Variants in SLC16A7 observed in about 807,000 individuals in gnomAD.
SLC16A7 encodes monocarboxylate transporter 2.
In SLC16A7, 33 loss-of-function variants were observed where a neutral mutation model predicts 34.9. The ratio of observed to expected loss-of-function variants is 0.94; its 90% CI spans 0.72 to 1.26. The LOEUF is 1.26. Ranked by LOEUF, SLC16A7 falls within the 50% of genes most tolerant of loss-of-function variation. The probability of loss-of-function intolerance (pLI) is 0.00; values close to 1 mark genes in which losing one functional copy is unlikely to be tolerated. For missense variants in SLC16A7, 573 were observed against 578.1 expected (o/e 0.99, Z 0.09); for synonymous variants, 201 against 206.6 (o/e 0.97, Z 0.23).
chr12:59,698,275 A>G (rs1296571693), intron 2 of SLC16A7, among the ~76,000 whole-genome samples: 1 of 151,830 alleles, frequency 6.6e-6, no homozygotes, highest in Non-Finnish European at 1.5e-5. Context: ...TTATGATTTT[A>G]AAGAAATCCA....
intron 2 of SLC16A7, among the ~76,000 whole-genome samples, chr12:59,678,421 C>A (rs1870479354): frequency 6.6e-6 from 1 of 152,212 alleles, no homozygotes. Flanking sequence ...GCCAGCTTGT[C>A]CCGATGAGTG....
In SLC16A7 at chr12:59,779,615, A is replaced by G; in HGVS notation, c.1373A>G (p.Glu458Gly). ...CCCTTGAGCAAATCTAAACATTCGG[A>G]AGATGTTAACGTCAAAGTTTCAAAT... ...SEPLSKSKHS[E>G]DVNVKVSNAQ... The change falls in exon 6 of 6, where the codon GAA becomes GGA. Residue 458 changes from glutamate (E) to glycine (G), a missense_variant. Coordinates refer to ENST00000547379, the MANE Select transcript of SLC16A7 (RefSeq NM_001270623.2). 1 of 1,611,466 alleles carries G rather than the reference A, an allele frequency of 6.2e-7. No individual in the cohort carries two copies. The highest frequency in any genetic ancestry group is 8.5e-7 in the Non-Finnish European group (1 of 1,177,894).
rs1592475776 is a variant in SLC16A7 at position 59,675,653 on chromosome 12, T to C, written c.-31+20403T>C. 3.3e-5 allele frequency among the ~76,000 whole-genome samples: 5 copies of C among 152,196 alleles called. No individual in the cohort carries two copies. In the South Asian group the frequency reaches 1.0e-3, roughly 32 times the overall value. ...AGAGAGGGGAACCATTTGTGGCCTA[T>C]TTTGTAATCAACCATAATTGTGCCA... On this transcript the variant is annotated intron_variant, in intron 2 of 5. Coordinates refer to ENST00000547379, the MANE Select transcript of SLC16A7 (RefSeq NM_001270623.2).
At chr12:59,704,730 G>C in intron 2 of SLC16A7, 42 bp from the exon 3 acceptor site, 1 of 1,017,182 alleles carries the variant, frequency 9.8e-7, no homozygotes, top group Non-Finnish European at 1.5e-6. Flanking sequence ...TAAACAAAAG[G>C]GGAAATAAAA....
chr12:59,704,991 A>C lies in SLC16A7; in HGVS notation c.190A>C (p.Ile64Leu). ...TYSEIAWISS[I>L]MLAVMYAGGP... ...CAGTGAAATAGCATGGATTTCATCCATTATGCTGGCTGTTATGTACGCAGG... is the reference window on the plus strand; with the variant it reads ...CAGTGAAATAGCATGGATTTCATCCCTTATGCTGGCTGTTATGTACGCAGG... The change falls in exon 3 of 6, where the codon ATT becomes CTT. Residue 64 changes from isoleucine (I) to leucine (L), a missense_variant. By Grantham distance (5) the Ile-to-Leu change is conservative. Coordinates refer to ENST00000547379, the MANE Select transcript of SLC16A7 (RefSeq NM_001270623.2). 1.2e-6 allele frequency: 2 copies of C among 1,612,796 alleles called. No homozygotes were observed. Among genetic ancestry groups the C allele is most frequent in the Non-Finnish European group, 1.7e-6 (2 of 1,178,868 alleles).
At chr12:59,749,324 T>C (rs944322445) in intron 3 of SLC16A7, among the ~76,000 whole-genome samples, 2 of 152,114 alleles carry the variant, frequency 1.3e-5, no homozygotes, top group African/African-American at 4.8e-5. Context: ...ATGAGAACCC[T>C]TTTTCTGTAT....
intron 2 of SLC16A7, among the ~76,000 whole-genome samples, chr12:59,658,392 G>A (rs1366007046): frequency 6.6e-6 from 1 of 152,034 alleles, no homozygotes; most frequent in African/African-American, 2.4e-5. Flanking sequence ...TAGCCTTGGA[G>A]AACTGTTTGA....
At chr12:59,672,500 C>T (rs1428304615) in intron 2 of SLC16A7, among the ~76,000 whole-genome samples, 2 of 151,958 alleles carry the variant, frequency 1.3e-5, no homozygotes, top group East Asian at 3.9e-4. Flanking sequence ...TCATTGACTA[C>T]TTCCAGTCCC....
At chr12:59,769,415 G>A (rs1451442674) in intron 3 of SLC16A7, 1 of 152,066 alleles carries the variant, frequency 6.6e-6, no homozygotes, top group African/African-American at 2.4e-5. Context: ...ACTTTACCAT[G>A]TTAGGGACAG....
chr12:59,750,675 A>G (rs1304349580), intron 3 of SLC16A7, among the ~76,000 whole-genome samples: 1 of 152,230 alleles, frequency 6.6e-6, no homozygotes, highest in African/African-American at 2.4e-5. Flanking sequence ...ATCTAGAACT[A>G]GAAATACAAT....
At chr12:59,667,327 G>T (rs920520310) in intron 2 of SLC16A7, among the ~76,000 whole-genome samples, 2 of 152,146 alleles carry the variant, frequency 1.3e-5, no homozygotes, top group African/African-American at 2.4e-5. Flanking sequence ...GACTTGGAGG[G>T]CTCAGAAGAC....
intron 2 of SLC16A7, among the ~76,000 whole-genome samples, chr12:59,668,106 G>A (rs540928834): frequency 6.6e-6 from 1 of 152,310 alleles, no homozygotes; most frequent in East Asian, 1.9e-4. Context: ...GCAGGGGAGG[G>A]GCCCTCATGG....
At chr12:59,773,125 C>T (rs1249474476) in intron 4 of SLC16A7, among the ~76,000 whole-genome samples, 1 of 151,636 alleles carries the variant, frequency 6.6e-6, no homozygotes, top group Non-Finnish European at 1.5e-5. Context: ...AAACCTTAAG[C>T]TCTGAAACAT....
chr12:59,678,537 TA>T (rs1359254182), intron 2 of SLC16A7, among the ~76,000 whole-genome samples: 1 of 152,040 alleles, frequency 6.6e-6, no homozygotes, highest in African/African-American at 2.4e-5. Flanking sequence ...CTGGAGTGAG[TA>T]ACTCTTCTAC....
intron 2 of SLC16A7, among the ~76,000 whole-genome samples, chr12:59,693,811 A>G (rs1871953367): frequency 6.6e-6 from 1 of 151,882 alleles, no homozygotes; most frequent in Admixed American, 6.6e-5. Context: ...TTATGCAGAA[A>G]AAGTTAGCTT....
chr12:59,719,313 A>G (rs1875289785), intron 3 of SLC16A7, among the ~76,000 whole-genome samples: 1 of 152,220 alleles, frequency 6.6e-6, no homozygotes. Context: ...AAGAAGAGAT[A>G]TAATAAAACA....
At position 59,689,324 on chromosome 12, in the gene SLC16A7, T is replaced by C. The variant is rs147848322; in HGVS notation, c.-30-15448T>C. ...GACAAAGTGTTGAGTGACAAAGAGATAGATGGAACTAAGTATGTTCAGGAT... is the reference window on the plus strand; with the variant it reads ...GACAAAGTGTTGAGTGACAAAGAGACAGATGGAACTAAGTATGTTCAGGAT... On this transcript the variant is annotated intron_variant, in intron 2 of 5. Coordinates refer to ENST00000547379, the MANE Select transcript of SLC16A7 (RefSeq NM_001270623.2). 1.4e-3 allele frequency: 218 copies of C among 152,054 alleles called. 1 individual carries two copies. The highest frequency in any genetic ancestry group is 6.8e-3 in the Middle Eastern group (2 of 294). The allele number at this position is 152,054 out of a possible 1,614,324, so 9.4% of individuals were successfully genotyped here.
intron 3 of SLC16A7, among the ~76,000 whole-genome samples, chr12:59,758,858 T>C (rs1880696454): frequency 6.6e-6 from 1 of 152,088 alleles, no homozygotes; most frequent in Non-Finnish European, 1.5e-5. Context: ...ATTTGTCAGA[T>C]AGCTTTAGGA....
At chr12:59,650,311 T>C (rs557172915) in intron 1 of SLC16A7, among the ~76,000 whole-genome samples, 6 of 152,276 alleles carry the variant, frequency 3.9e-5, no homozygotes, top group African/African-American at 1.2e-4. Flanking sequence ...CATCAAAGTT[T>C]AGCACTAGAA....
Sources: gnomAD v4.1 joint callset for allele counts (sites outside exome capture counted in the v4.1 genomes callset) on GRCh38, gnomAD v4.1.1 for gene constraint, MANE v1.5 for transcripts, NCBI Gene and HGNC (gene_info 2026-07-23, HGNC 2026-07-21) for gene names.